Variants in CFHR4 observed in about 807,000 individuals in gnomAD.
CFHR4 encodes complement factor H-related protein 4.
In CFHR4, 64 loss-of-function variants were observed where a neutral mutation model predicts 69.3. The observed-to-expected ratio is 0.92, with a 90% CI of 0.76 to 1.14. The LOEUF is 1.14. CFHR4 is among the 50% of genes most tolerant of loss of function. The pLI, the probability that CFHR4 is intolerant of heterozygous loss-of-function variation, is 0.00. For synonymous variants in CFHR4, 244 were observed against 237.0 expected (o/e 1.03, Z -0.27); for missense variants, 636 against 684.9 (o/e 0.93, Z 0.80).
intron 1 of CFHR4, among the ~76,000 whole-genome samples, chr1:196,901,396 A>G (rs1435414321): frequency 6.6e-6 from 1 of 151,450 alleles, no homozygotes; most frequent in Non-Finnish European, 1.5e-5. Flanking sequence ...CCACAAAACA[A>G]GACTGTAGAA....
chr1:196,907,084 A>G lies in CFHR4; in HGVS notation c.616+47A>G, dbSNP rs188089623. ...TTCTTTTTACTAGAATTAAACAAATAGAAACATACATATGTATATGTACAC... is the reference window on the plus strand; with the variant it reads ...TTCTTTTTACTAGAATTAAACAAATGGAAACATACATATGTATATGTACAC... On this transcript the variant is annotated intron_variant, in intron 4 of 9. Coordinates refer to ENST00000608469, the MANE Select transcript of CFHR4 (RefSeq NM_001201550.3). The G allele has an allele frequency of 1.1e-3, 1,623 of 1,510,422 alleles. 50 individuals carry two copies. The African/African-American group carries it at 0.013, about 12-fold the overall frequency. The allele number at this position is 1,510,422 out of a possible 1,614,324, so 93.6% of individuals were successfully genotyped here.
chr1:196,914,777 A>C (rs1314462904), intron 8 of CFHR4, 106 bp downstream of exon 8: 21 of 1,397,206 alleles, frequency 1.5e-5, no homozygotes, highest in Non-Finnish European at 2.0e-5. Flanking sequence ...ATATATATGT[A>C]GTCCTCCTAT....
At position 196,910,279 on chromosome 1, in the gene CFHR4, A is replaced by G. The variant is rs202044205; in HGVS notation, c.800-2A>G. The G allele has an allele frequency of 3.5e-5, 55 of 1,563,066 alleles. 4 individuals carry two copies. In the African/African-American group the frequency reaches 7.0e-4, roughly 20 times the overall value. ...TATACTATTTTTGTTTTTTGTTACA[A>G]GCAATGAAACCTTGTGAGTTTCCAG... On this transcript the variant is annotated splice_acceptor_variant, in intron 5 of 9. Transcript: ENST00000608469. LOFTEE classifies it high-confidence loss of function.
rs768416897 is a variant in CFHR4 at position 196,912,882 on chromosome 1, A to C, written c.1140A>C (p.Thr380=). ...ATGGAAATTCTTCAGGTTCAATTAC[A>C]TGTTTGCAAAATGGATGGTCAGCAC... ...TADGNSSGSI[T]CLQNGWSAQP... The change falls in exon 7 of 10, where the codon ACA becomes ACC. Residue 380 remains threonine (T), a synonymous_variant. Coordinates refer to ENST00000608469, the MANE Select transcript of CFHR4 (RefSeq NM_001201550.3). 6.2e-7 allele frequency: 1 copy of C among 1,611,640 alleles called. No homozygotes were observed. The highest frequency in any genetic ancestry group is 8.5e-7 in the Non-Finnish European group (1 of 1,178,934).
rs1209838532 is a variant in CFHR4 at position 196,907,388 on chromosome 1, AT to A, written c.690del (p.Leu231CysfsTer22). The A allele has an allele frequency of 1.2e-6, 2 of 1,611,984 alleles. No homozygotes were observed. Among genetic ancestry groups the A allele is most frequent in the African/African-American group, 2.7e-5 (2 of 74,336 alleles). Reference protein sequence around the residue: ...GDTTSFPQKVYLPWSRVEYQC... With the variant: ...GDTTSFPQKVXLPWSRVEYQC... The stretch of plus-strand genomic sequence containing the variant: ...ACCACGTCCTTCCCGCAAAAAGTGT[AT>A]CTGCCATGGTCAAGAGTCGAGTACC... On this transcript the variant is annotated frameshift_variant, in exon 5 of 10. Coordinates refer to ENST00000608469, the MANE Select transcript of CFHR4 (RefSeq NM_001201550.3). LOFTEE classifies it high-confidence loss of function.
intron 6 of CFHR4, among the ~76,000 whole-genome samples, chr1:196,912,418 G>A (rs947455251): frequency 1.3e-5 from 2 of 151,636 alleles, no homozygotes; most frequent in African/African-American, 4.9e-5. Context: ...TTGTTGCAAA[G>A]TAGCCAGAAA....
intron 5 of CFHR4, among the ~76,000 whole-genome samples, chr1:196,908,903 A>C (rs576114044): frequency 6.6e-6 from 1 of 151,316 alleles, no homozygotes; most frequent in Non-Finnish European, 1.5e-5. Flanking sequence ...TTTTATATTG[A>C]CTGATGATGC....
At position 196,918,542 on chromosome 1, in the gene CFHR4, T is replaced by C; in HGVS notation, c.*136T>C. 1.1e-6 allele frequency: 1 copy of C among 885,100 alleles called. No individual in the cohort carries two copies. The highest frequency in any genetic ancestry group is 2.8e-5 in the East Asian group (1 of 35,790). The allele number at this position is 885,100 out of a possible 1,614,324, so 54.8% of individuals were successfully genotyped here. On this transcript the variant is annotated 3_prime_UTR_variant, in exon 10 of 10. Transcript: ENST00000608469. ...GAAAATTAATATAATAGTTTCAATT[T>C]GCAACTTAATATGTTCTCAAAAATA... is the stretch of plus-strand genomic sequence containing the variant.
In CFHR4 at chr1:196,907,442, G is replaced by A. The variant is rs748872724; in HGVS notation, c.743G>A (p.Gly248Asp). The A allele has an allele frequency of 1.2e-5, 19 of 1,611,950 alleles. No homozygotes were observed. The highest frequency in any genetic ancestry group is 1.5e-5 in the Non-Finnish European group (18 of 1,179,194). The change falls in exon 5 of 10, where the codon GGT (glycine) becomes GAT (aspartate). Residue 248 changes from glycine (G) to aspartate (D), a missense_variant. Physicochemically the swap from Gly to Asp is moderately conservative, Grantham distance 94. Coordinates refer to ENST00000608469, the MANE Select transcript of CFHR4 (RefSeq NM_001201550.3). ...YQCQSYYELQ[G>D]SKYVTCSNGD... Reference sequence around the variant, plus strand: ...TGCCAGTCCTACTATGAACTTCAGGGTTCTAAATATGTAACATGTAGTAAT... The same window carrying A: ...TGCCAGTCCTACTATGAACTTCAGGATTCTAAATATGTAACATGTAGTAAT...
intron 3 of CFHR4, 74 bp downstream of exon 3, chr1:196,905,364 A>G (rs149436909): frequency 3.2e-6 from 5 of 1,564,374 alleles, no homozygotes; most frequent in Non-Finnish European, 4.3e-6. Flanking sequence ...TGTTTTACAG[A>G]AAAAGATAGA....
rs2478008 is a variant in CFHR4, at chr1:196,912,723, T to G, written c.998-17T>G. 149 of 1,540,974 alleles carry G rather than the reference T, an allele frequency of 9.7e-5. No homozygotes were observed. In the Middle Eastern group the frequency reaches 9.8e-4, roughly 10 times the overall value. On this transcript the variant is annotated splice_polypyrimidine_tract_variant and intron_variant, in intron 6 of 9. Coordinates refer to ENST00000608469, the MANE Select transcript of CFHR4 (RefSeq NM_001201550.3). ...TTCAACAAATATTTACTTTTTTCTC[T>G]ACTTTTTCTATTTTAGGAACATGCT...
At chr1:196,892,614 C>G (rs1291597703) in intron 1 of CFHR4, among the ~76,000 whole-genome samples, 1 of 151,188 alleles carries the variant, frequency 6.6e-6, no homozygotes, top group Non-Finnish European at 1.5e-5. Flanking sequence ...AAATAGCTAT[C>G]ACAGCAAACC....
intron 2 of CFHR4, 150 bp downstream of exon 2, chr1:196,902,765 T>C: frequency 1.7e-6 from 1 of 579,432 alleles, no homozygotes; most frequent in Non-Finnish European, 3.0e-6. Flanking sequence ...TTTTTTGTTA[T>C]GAGATCTTCG....
intron 9 of CFHR4, among the ~76,000 whole-genome samples, 164 bp from the exon 10 acceptor site, chr1:196,918,046 T>C (rs1203765912): frequency 6.6e-6 from 1 of 151,694 alleles, no homozygotes; most frequent in Non-Finnish European, 1.5e-5. Flanking sequence ...GAACTTATTA[T>C]ATTTTTGAAA....
chr1:196,905,328 C>A (rs573229037), intron 3 of CFHR4, 38 bp downstream of exon 3: 2 of 1,606,250 alleles, frequency 1.2e-6, no homozygotes, highest in African/African-American at 1.4e-5. Flanking sequence ...TTTCTGTCAA[C>A]TTCTTTCCTC....
At chr1:196,906,140 G>A (rs546004820) in intron 3 of CFHR4, among the ~76,000 whole-genome samples, 2 of 151,422 alleles carry the variant, frequency 1.3e-5, no homozygotes, top group South Asian at 2.1e-4. Context: ...GCCATGAGAC[G>A]AAATGGAAAG....
chr1:196,893,436 T>G (rs149085536), intron 1 of CFHR4, among the ~76,000 whole-genome samples: 2 of 151,738 alleles, frequency 1.3e-5, no homozygotes, highest in East Asian at 3.9e-4. Context: ...GAAGAGTTGA[T>G]CTATTCTGAG....
intron 1 of CFHR4, among the ~76,000 whole-genome samples, chr1:196,893,872 G>A (rs1010712960): frequency 3.3e-5 from 5 of 151,468 alleles, no homozygotes; most frequent in African/African-American, 1.2e-4. Context: ...TGTTTTCAAT[G>A]TAGCTTAGAA....
At chr1:196,917,640 T>C (rs4915559) in intron 9 of CFHR4, among the ~76,000 whole-genome samples, 35,069 of 150,876 alleles carry the variant, frequency 0.23, 5,876 homozygotes, top group East Asian at 0.72. Flanking sequence ...GAGAGAGAGA[T>C]AATTGACAGA....
Sources: allele counts gnomAD v4.1 joint callset (sites outside exome capture counted in the v4.1 genomes callset), GRCh38; gene constraint gnomAD v4.1.1; transcripts MANE v1.5; gene names NCBI Gene and HGNC (gene_info 2026-07-23, HGNC 2026-07-21).